SHROOM2: variants seen among roughly 807,000 people sequenced by gnomAD.
SHROOM2 encodes the protein shroom family member 2.
In SHROOM2, 33 loss-of-function variants were observed where a neutral mutation model predicts 75.9. The observed-to-expected ratio is 0.43, with a 90% CI of 0.33 to 0.58. The LOEUF (loss-of-function observed/expected upper bound fraction) is 0.58, where lower values mean the gene tolerates loss of function less well. Ranked by LOEUF, SHROOM2 falls within the 20% of genes least tolerant of loss-of-function variation. The pLI, the probability that SHROOM2 is intolerant of heterozygous loss-of-function variation, is 0.04. For synonymous variants in SHROOM2, 655 were observed against 663.6 expected (o/e 0.99, Z 0.20); for missense variants, 1,434 against 1,461.2 (o/e 0.98, Z 0.30).
chrX:9,912,198 G>GACACACAC (rs57939278), intron 5 of SHROOM2, among the ~76,000 whole-genome samples: 8 of 16,139 alleles, frequency 5.0e-4, no homozygotes, highest in South Asian at 5.0e-3. Flanking sequence ...TAAATTACAA[G>GACACACAC]ACACACACAC....
rs375824306 is a variant in SHROOM2, at chrX:9,875,080, C to CAAAAAAAAAAA, written c.317+1297_317+1307dup. Among the ~76,000 whole-genome samples the CAAAAAAAAAAA allele has an allele frequency of 4.9e-3, 61 of 12,336 alleles. 10 individuals are homozygous for CAAAAAAAAAAA. The highest frequency in any genetic ancestry group is 0.017 in the East Asian group (8 of 461). The allele number at this position is 12,336 out of a possible 115,157, so 10.7% of individuals were successfully genotyped here. A position where few individuals can be genotyped will look rare whatever the true frequency, so the allele number is the denominator to read the frequency against. On this transcript the variant is annotated intron_variant, in intron 2 of 9. Transcript: ENST00000380913. ...TGGGTGACAGAGCAAGACCCTGTCT[C>CAAAAAAAAAAA]AAAAAAAAAAAAAAAAAAAAAAAAA...
In SHROOM2 at chrX:9,932,571, G is replaced by A. The variant is rs374276560; in HGVS notation, c.3288G>A (p.Thr1096=). Residue 1096 remains threonine (T), a synonymous_variant, in exon 6 of 10, where the codon ACG becomes ACA. Coordinates refer to ENST00000380913, the MANE Select transcript of SHROOM2 (RefSeq NM_001649.4). ...PVGVLGRPFP[T]PSPASLDVYV... ...GCGTCCTCGGCAGGCCCTTCCCAAC[G>A]CCATCCCCTGCGTCCCTGGATGTGT... The A allele has an allele frequency of 4.5e-5, 55 of 1,209,964 alleles. No individual in the cohort carries two copies. The highest frequency in any genetic ancestry group is 2.4e-4 in the East Asian group (8 of 33,739).
chrX:9,916,488 A>T (rs2084492043), intron 5 of SHROOM2, among the ~76,000 whole-genome samples: 1 of 111,964 alleles, frequency 8.9e-6, no homozygotes, highest in African/African-American at 3.3e-5. Flanking sequence ...CTGGGCATGG[A>T]GTTGCTAGGC....
At chrX:9,888,205 G>T (rs2084271409) in intron 2 of SHROOM2, among the ~76,000 whole-genome samples, 1 of 112,371 alleles carries the variant, frequency 8.9e-6, no homozygotes, top group Non-Finnish European at 1.9e-5. Flanking sequence ...ATGCCCAGAA[G>T]CTTTGGGCCT....
chrX:9,887,741 A>G (rs111285366), intron 2 of SHROOM2, among the ~76,000 whole-genome samples: 6,495 of 112,671 alleles, frequency 0.058, 461 homozygotes, highest in African/African-American at 0.2. Flanking sequence ...TGCACATGAT[A>G]GAAGGGTTGG....
At position 9,852,380 on chromosome X, in the gene SHROOM2, T is replaced by C. The variant is rs921331003; in HGVS notation, c.166-21272T>C. ...TGATTCCCAGACCACCTGCAGGCGT[T>C]TTCCAGCTGGGATTAGTCTAGCTCC... is the stretch of plus-strand genomic sequence containing the variant. On this transcript the variant is annotated intron_variant, in intron 1 of 9. Transcript: ENST00000380913. Among the ~76,000 whole-genome samples, 4 of 112,738 alleles carry C rather than the reference T, an allele frequency of 3.5e-5. No individual in the cohort carries two copies. The Admixed American group carries it at 3.7e-4, about 11-fold the overall frequency.
intron 5 of SHROOM2, among the ~76,000 whole-genome samples, chrX:9,918,052 A>G (rs771992041): frequency 3.6e-5 from 4 of 111,762 alleles, no homozygotes; most frequent in South Asian, 3.8e-4. Context: ...CTGGAAGTCT[A>G]AGGGGTTTTG....
chrX:9,916,254 T>TA (rs1233391306), intron 5 of SHROOM2, among the ~76,000 whole-genome samples: 7 of 112,223 alleles, frequency 6.2e-5, no homozygotes, highest in Non-Finnish European at 1.3e-4. Flanking sequence ...TCCTTGCAAA[T>TA]ATGTTTTTAC....
At chrX:9,944,396 T>C (rs1044165281) in intron 8 of SHROOM2, among the ~76,000 whole-genome samples, 3 of 112,252 alleles carry the variant, frequency 2.7e-5, no homozygotes, top group African/African-American at 9.7e-5. Flanking sequence ...CGTTCTCTAA[T>C]AGGGCATGAA....
intron 1 of SHROOM2, among the ~76,000 whole-genome samples, chrX:9,836,516 C>G (rs1204660839): frequency 9.3e-6 from 1 of 107,443 alleles, no homozygotes; most frequent in Non-Finnish European, 1.9e-5. Flanking sequence ...CCTCTCTACC[C>G]CCTCCTTCTC....
chrX:9,935,429 C>G (rs1319711179), intron 6 of SHROOM2, among the ~76,000 whole-genome samples: 2 of 110,566 alleles, frequency 1.8e-5, no homozygotes, highest in Non-Finnish European at 3.8e-5. Context: ...GTCCTCCCAC[C>G]TTAGCCTCCC....
chrX:9,895,776 G>A lies in SHROOM2; in HGVS notation c.1868G>A (p.Ser623Asn). ...DAHVGKPTRR[S>N]DRFATTLRNE... is the part of the protein sequence containing the mutation. The stretch of plus-strand genomic sequence containing the variant: ...CACGTGGGCAAGCCCACCCGAAGAA[G>A]CGACCGCTTTGCCACCACCCTGCGG... The change falls in exon 4 of 10, where the codon AGC becomes AAC. Residue 623 changes from serine (S) to asparagine (N), a missense_variant. Physicochemically the swap from Ser to Asn is conservative, Grantham distance 46. Coordinates refer to ENST00000380913, the MANE Select transcript of SHROOM2 (RefSeq NM_001649.4). The A allele has an allele frequency of 8.3e-7, 1 of 1,202,759 alleles. No individual in the cohort carries two copies. Among genetic ancestry groups the A allele is most frequent in the Non-Finnish European group, 1.1e-6 (1 of 890,972 alleles).
chrX:9,857,126 G>A (rs893930292), intron 1 of SHROOM2, among the ~76,000 whole-genome samples: 1 of 112,785 alleles, frequency 8.9e-6, no homozygotes, highest in African/African-American at 3.2e-5. Flanking sequence ...AAGAGGACAC[G>A]AAGGTGACAT....
rs746701642 is a variant in SHROOM2, at chrX:9,937,690, G to A, written c.4139+5G>A. ...TCCTAGAAGCACAGAGGAGAGGTGAGTAGGCGTGGCCTCCCAGCTTGGGCG... is the reference window on the plus strand; with the variant it reads ...TCCTAGAAGCACAGAGGAGAGGTGAATAGGCGTGGCCTCCCAGCTTGGGCG... On this transcript the variant is annotated splice_donor_5th_base_variant and intron_variant, in intron 7 of 9. Coordinates refer to ENST00000380913, the MANE Select transcript of SHROOM2 (RefSeq NM_001649.4). 8.6e-7 allele frequency: 1 copy of A among 1,161,603 alleles called. No individual in the cohort carries two copies. Among genetic ancestry groups the A allele is most frequent in the South Asian group, 2.0e-5 (1 of 49,297 alleles).
At chrX:9,868,307 G>T (rs932636288) in intron 1 of SHROOM2, among the ~76,000 whole-genome samples, 2 of 107,272 alleles carry the variant, frequency 1.9e-5, no homozygotes, top group African/African-American at 6.8e-5. Context: ...GTGCAGTGGC[G>T]CAATCTCAGC....
intron 1 of SHROOM2, among the ~76,000 whole-genome samples, chrX:9,811,883 A>G (rs758405313): frequency 3.6e-5 from 4 of 111,632 alleles, no homozygotes; most frequent in African/African-American, 1.3e-4. Flanking sequence ...AGTGGAGACC[A>G]TGGGCATTTG....
intron 3 of SHROOM2, among the ~76,000 whole-genome samples, chrX:9,891,606 G>T (rs2084292587): frequency 8.9e-6 from 1 of 111,986 alleles, no homozygotes; most frequent in Non-Finnish European, 1.9e-5. Context: ...TCTGCTTTTG[G>T]TGTGCGTGTG....
At position 9,786,641 on chromosome X, in the gene SHROOM2, C is replaced by A. The variant is rs891600826; in HGVS notation, c.96C>A (p.Ser32Arg). The change falls in exon 1 of 10, where the codon AGC becomes AGA. Residue 32 changes from serine (S) to arginine (R), a missense_variant. Physicochemically the swap from Ser to Arg is moderately radical, Grantham distance 110 (BLOSUM62 -1). Around this residue, in one of 3 missense-constraint regions of SHROOM2, gnomAD observed 1,340 missense variants for 1,338.3 expected, o/e 1.00. Coordinates refer to ENST00000380913, the MANE Select transcript of SHROOM2 (RefSeq NM_001649.4). The stretch of plus-strand genomic sequence containing the variant: ...GGCGCCTGGTGGAGGTGCAGCTGAG[C>A]GGCGGCGCCCCGTGGGGCTTCACCC... ...DGGRLVEVQL[S>R]GGAPWGFTLK... is the part of the protein sequence containing the mutation. The A allele has an allele frequency of 3.4e-6, 3 of 883,850 alleles. No homozygotes were observed. The African/African-American group carries it at 6.4e-5, about 19-fold the overall frequency. 72.8% of individuals were successfully genotyped at this position (883,850 alleles called of 1,213,427 possible).
intron 1 of SHROOM2, among the ~76,000 whole-genome samples, chrX:9,856,469 G>C (rs928505242): frequency 8.9e-6 from 1 of 111,931 alleles, no homozygotes; most frequent in Non-Finnish European, 1.9e-5. Context: ...TTACACAAGT[G>C]AACAAAGTTT....
Sources: gnomAD v4.1 joint callset for allele counts (sites outside exome capture counted in the v4.1 genomes callset) on GRCh38, gnomAD v4.1.1 for gene constraint, gnomAD v4.1.1 regional missense constraint, MANE v1.5 for transcripts, NCBI Gene and HGNC (gene_info 2026-07-23, HGNC 2026-07-21) for gene names.